Variants in CELF2 observed in about 807,000 individuals in gnomAD.
CELF2 encodes the protein CUG triplet repeat RNA-binding protein 2.
In CELF2, 8 loss-of-function variants were observed where a neutral mutation model predicts 62.6. The observed-to-expected ratio is 0.13, with a 90% CI of 0.07 to 0.23. CELF2 has a LOEUF of 0.23. CELF2 is among the 10% of genes least tolerant of loss of function. The pLI, the probability that CELF2 is intolerant of heterozygous loss-of-function variation, is 1.00. For missense variants in CELF2, 333 were observed against 671.0 expected (o/e 0.50, Z 5.56); for synonymous variants, 258 against 250.0 (o/e 1.03, Z -0.30).
chr10:10,538,816 T>C, the CELF2 span, among the ~76,000 whole-genome samples: 1 of 152,250 alleles, frequency 6.6e-6, no homozygotes, highest in South Asian at 2.1e-4. Flanking sequence ...CATGGTCTTA[T>C]GAGCTGGAAG....
At chr10:10,666,867 AAAAAAAAAAAAAG>A in the CELF2 span, among the ~76,000 whole-genome samples, 2 of 149,616 alleles carry the variant, frequency 1.3e-5, 1 homozygote, top group African/African-American at 4.9e-5. Flanking sequence ...GTCTCAAAAA[AAAAAAAAAAAAAG>A]AAAAAAAAAA....
chr10:10,666,849 G>A, the CELF2 span, among the ~76,000 whole-genome samples: 1 of 64,416 alleles, frequency 1.6e-5, no homozygotes, highest in Admixed American at 1.7e-4. Flanking sequence ...GCGACAGAGC[G>A]AGACTCCGTC....
At chr10:10,483,814 T>TA in the CELF2 span, among the ~76,000 whole-genome samples, 1 of 151,994 alleles carries the variant, frequency 6.6e-6, no homozygotes, top group Admixed American at 6.5e-5. Flanking sequence ...CTCTACAAGT[T>TA]AAAAAATTGT....
chr10:10,632,965 A>T, the CELF2 span, among the ~76,000 whole-genome samples: 3 of 152,222 alleles, frequency 2.0e-5, no homozygotes. Context: ...ACTTCATATC[A>T]GTAAATACAG....
In CELF2 at chr10:11,224,278, C is replaced by T. The variant is rs2065789113; in HGVS notation, c.354+6771C>T. On this transcript the variant is annotated intron_variant, in intron 3 of 12. Coordinates refer to ENST00000633077, the MANE Select transcript of CELF2 (RefSeq NM_001326342.2). This position sits in a 1 kb window ranked among gnomAD's most constrained non-coding sequence, Gnocchi z 4.5. ...GCTTGTGTGAGAAAGTATGTTAACG[C>T]GCTGGTACTGGTGCCTGATCAGATT... Among the ~76,000 whole-genome samples, 1 of 152,228 alleles carries T rather than the reference C, an allele frequency of 6.6e-6. No homozygotes were observed. Among genetic ancestry groups the T allele is most frequent in the Middle Eastern group, 3.4e-3 (1 of 294 alleles).
intron 2 of CELF2, among the ~76,000 whole-genome samples, chr10:10,930,156 AG>A (rs1047408072): frequency 7.9e-5 from 12 of 152,340 alleles, no homozygotes; most frequent in Non-Finnish European, 1.8e-4. Context: ...GATCTTTATG[AG>A]GAAAACTTTA....
chr10:11,030,249 A>G (rs1046084153), intron 1 of CELF2: 1 of 152,264 alleles, frequency 6.6e-6, no homozygotes, highest in Non-Finnish European at 1.5e-5. Flanking sequence ...CCATCAGGCT[A>G]AGGAGTTTAT....
At chr10:11,284,777 A>G (rs1565766412) in intron 8 of CELF2, among the ~76,000 whole-genome samples, 2 of 142,974 alleles carry the variant, frequency 1.4e-5, no homozygotes, top group African/African-American at 2.6e-5. Flanking sequence ...ATGTGGGTGG[A>G]TGGATGGATG....
chr10:10,530,390 G>A, the CELF2 span, among the ~76,000 whole-genome samples: 5 of 152,172 alleles, frequency 3.3e-5, no homozygotes, highest in African/African-American at 9.6e-5. Flanking sequence ...GAATGTTTTT[G>A]TTGTCAAGAT....
chr10:10,471,104 C>T, the CELF2 span, among the ~76,000 whole-genome samples: 3 of 151,522 alleles, frequency 2.0e-5, no homozygotes, highest in Admixed American at 1.3e-4. Flanking sequence ...AATTTAATCG[C>T]ATTTATCAGA....
At chr10:10,495,742 G>A in the CELF2 span, among the ~76,000 whole-genome samples, 1 of 152,140 alleles carries the variant, frequency 6.6e-6, no homozygotes, top group Admixed American at 6.5e-5. Flanking sequence ...AATGGACCGT[G>A]CCCAGGGAGA....
In CELF2 at chr10:10,947,799, G is replaced by T. The variant is rs537296113; in HGVS notation, c.89+27800G>T. ...GAAAAATATGGCATTTGAGGAGAGA[G>T]AAAATGCTTCTAGTATGGGGCCATA... On this transcript the variant is annotated intron_variant, in intron 2 of 13. Coordinates refer to the CELF2 transcript ENST00000636488. The surrounding 1 kb of genome is among the most constrained non-coding windows in gnomAD (Gnocchi z 4.1). Among the ~76,000 whole-genome samples, 14 of 152,308 alleles carry T rather than the reference G, an allele frequency of 9.2e-5. No individual in the cohort carries two copies. Among genetic ancestry groups the T allele is most frequent in the Admixed American group, 9.2e-4 (14 of 15,300 alleles).
At chr10:10,899,344 AC>A (rs1316611824) in intron 1 of CELF2, among the ~76,000 whole-genome samples, 1 of 152,164 alleles carries the variant, frequency 6.6e-6, no homozygotes, top group African/African-American at 2.4e-5. Context: ...GTGGGGAAAA[AC>A]AGCACAGTTT....
intron 1 of CELF2, among the ~76,000 whole-genome samples, chr10:11,107,081 G>A (rs897102902): frequency 1.8e-4 from 27 of 152,226 alleles, no homozygotes; most frequent in African/African-American, 6.5e-4. Flanking sequence ...AACATGTTTT[G>A]TACTAAGGGA....
chr10:10,500,641 G>GTA, the CELF2 span, among the ~76,000 whole-genome samples: 2 of 152,238 alleles, frequency 1.3e-5, no homozygotes, highest in Non-Finnish European at 2.9e-5. Flanking sequence ...AAATTGCCCA[G>GTA]TCAGGTATGT....
chr10:10,789,648 T>C, the CELF2 span, among the ~76,000 whole-genome samples: 1 of 152,176 alleles, frequency 6.6e-6, no homozygotes, highest in African/African-American at 2.4e-5. Flanking sequence ...TTAAAGGTGT[T>C]TACAAATTTG....
intron 2 of CELF2, among the ~76,000 whole-genome samples, chr10:11,216,811 T>C (rs1045995960): frequency 2.6e-5 from 4 of 152,250 alleles, no homozygotes; most frequent in African/African-American, 9.6e-5. Flanking sequence ...AACATCTGTT[T>C]GGGCATGTAC....
the CELF2 span, among the ~76,000 whole-genome samples, chr10:10,554,068 C>A: frequency 1.3e-5 from 2 of 152,216 alleles, no homozygotes; most frequent in South Asian, 4.2e-4. Context: ...ATTGTGTGAT[C>A]CCAGCTGGAG....
At chr10:10,955,334 T>G (rs942337731) in intron 2 of CELF2, among the ~76,000 whole-genome samples, 1 of 152,262 alleles carries the variant, frequency 6.6e-6, no homozygotes, top group Non-Finnish European at 1.5e-5. Context: ...GGGGGCCTCA[T>G]GTGAATTGAT....
Sources: gnomAD v4.1 joint callset for allele counts (sites outside exome capture counted in the v4.1 genomes callset) on GRCh38, gnomAD v4.1.1 for gene constraint, Gnocchi (gnomAD v3.1) non-coding constraint, MANE v1.5 for transcripts, NCBI Gene and HGNC (gene_info 2026-07-23, HGNC 2026-07-21) for gene names.